Variants in DENND1A observed in about 807,000 individuals in gnomAD.
DENND1A encodes DENN domain-containing protein 1A.
In DENND1A, 51 loss-of-function variants were observed where a neutral mutation model predicts 113.7. The ratio of observed to expected loss-of-function variants is 0.45; its 90% CI spans 0.36 to 0.57. The LOEUF (loss-of-function observed/expected upper bound fraction) is 0.57, where lower values mean the gene tolerates loss of function less well. DENND1A is among the 20% of genes least tolerant of loss of function. The probability of loss-of-function intolerance (pLI) is 0.00; values close to 1 mark genes in which losing one functional copy is unlikely to be tolerated. For synonymous variants in DENND1A, 565 were observed against 570.8 expected, an observed-to-expected ratio of 0.99 and a Z score of 0.14; for missense variants, 1,258 against 1,395.9, an observed-to-expected ratio of 0.90 and a Z score of 1.57.
In DENND1A at chr9:123,432,070, G is replaced by A. The variant is rs139236241; in HGVS notation, c.1488+8290C>T. 5.7e-4 allele frequency among the ~76,000 whole-genome samples: 87 copies of A among 152,304 alleles called. 1 individual carries two copies. The East Asian group carries it at 0.013, about 22-fold the overall frequency. On this transcript the variant is annotated intron_variant, in intron 19 of 23. Transcript: ENST00000394215. Reference sequence around the variant, plus strand: ...GTACATCAGGAGCCCTGGCCTCACCGTGGAGCTCTCTGGCCTTCTCCAGCT... The same window carrying A: ...GTACATCAGGAGCCCTGGCCTCACCATGGAGCTCTCTGGCCTTCTCCAGCT...
intron 19 of DENND1A, among the ~76,000 whole-genome samples, chr9:123,438,621 C>T (rs1347316746): frequency 6.6e-6 from 1 of 152,098 alleles, no homozygotes; most frequent in Non-Finnish European, 1.5e-5. Context: ...TTCCTGTACA[C>T]TTGCATAATG....
chr9:123,873,429 T>C (rs1385241528), intron 2 of DENND1A, among the ~76,000 whole-genome samples: 4 of 152,216 alleles, frequency 2.6e-5, no homozygotes, highest in Non-Finnish European at 4.4e-5. Flanking sequence ...TTACAATACA[T>C]GACTTCACTA....
At chr9:123,878,383 C>T (rs562527670) in intron 2 of DENND1A, among the ~76,000 whole-genome samples, 182 of 152,182 alleles carry the variant, frequency 1.2e-3, no homozygotes, top group African/African-American at 4.2e-3. Flanking sequence ...GCTGCCTGCA[C>T]AAGATACCCT....
In DENND1A at chr9:123,382,051, G is replaced by A; in HGVS notation, c.2594C>T (p.Thr865Ile). The A allele has an allele frequency of 5.3e-6, 8 of 1,498,218 alleles. No homozygotes were observed. The highest frequency in any genetic ancestry group is 5.3e-6 in the Non-Finnish European group (6 of 1,126,362). 92.8% of individuals were successfully genotyped at this position (1,498,218 alleles called of 1,614,324 possible). A position where few individuals can be genotyped will look rare whatever the true frequency, so the allele number is the denominator to read the frequency against. The change falls in exon 24 of 24, where the codon ACC becomes ATC. Residue 865 changes from threonine to isoleucine, a missense_variant. Thr to Ile is a moderately conservative substitution (Grantham distance 89). Coordinates refer to ENST00000394215, the MANE Select transcript of DENND1A (RefSeq NM_001352964.2). ...SGSTLPSRPA[T>I]PNVATPFTPQ... ...GGTGAATGGGGTGGCTACATTCGGG[G>A]TGGCGGGGCGTGACGGGAGGGTGCT...
intron 5 of DENND1A, among the ~76,000 whole-genome samples, chr9:123,684,336 T>A (rs1018399016): frequency 6.6e-6 from 1 of 152,060 alleles, no homozygotes; most frequent in African/African-American, 2.4e-5. Context: ...GATACTCTTC[T>A]CTCCAAACGC....
intron 3 of DENND1A, among the ~76,000 whole-genome samples, chr9:123,779,103 C>T (rs900097324): frequency 1.3e-5 from 2 of 152,168 alleles, no homozygotes; most frequent in Non-Finnish European, 2.9e-5. Context: ...GTTTTCTTGA[C>T]AGATAAATGA....
chr9:123,539,141 A>C (rs768604759), intron 13 of DENND1A, among the ~76,000 whole-genome samples: 4 of 152,100 alleles, frequency 2.6e-5, no homozygotes, highest in Admixed American at 6.5e-5. Context: ...CACATTGGCT[A>C]CTAAGATCAC....
rs539085010 is a variant in DENND1A, at chr9:123,689,945, C to T, written c.303-13156G>A. 5.3e-5 allele frequency among the ~76,000 whole-genome samples: 8 copies of T among 151,036 alleles called. No homozygotes were observed. In the South Asian group the frequency reaches 8.4e-4, roughly 16 times the overall value. ...TGGAGGTTCCAGTGAGCCAAGATCG[C>T]GCCACTGTACTCCAGCCTGAGTGAC... is the stretch of plus-strand genomic sequence containing the variant. On this transcript the variant is annotated intron_variant, in intron 5 of 23. Coordinates refer to ENST00000394215, the MANE Select transcript of DENND1A (RefSeq NM_001352964.2).
chr9:123,827,027 T>C (rs1463037486), intron 2 of DENND1A, among the ~76,000 whole-genome samples: 1 of 152,090 alleles, frequency 6.6e-6, no homozygotes, highest in Admixed American at 6.5e-5. Flanking sequence ...TGTAGAGAGC[T>C]TAAAAAAAAT....
At chr9:123,830,173 G>A (rs1839962304) in intron 2 of DENND1A, among the ~76,000 whole-genome samples, 1 of 152,116 alleles carries the variant, frequency 6.6e-6, no homozygotes, top group African/African-American at 2.4e-5. Context: ...CTGCTGATAG[G>A]TGAAGCAATA....
chr9:123,902,170 C>T (rs1424323358), intron 1 of DENND1A, among the ~76,000 whole-genome samples: 1 of 123,148 alleles, frequency 8.1e-6, no homozygotes, highest in Non-Finnish European at 1.7e-5. Context: ...GTCACACACA[C>T]ACATACACAC....
At chr9:123,597,153 C>T (rs1031590857) in intron 11 of DENND1A, among the ~76,000 whole-genome samples, 7 of 152,158 alleles carry the variant, frequency 4.6e-5, no homozygotes, top group African/African-American at 1.7e-4. Context: ...CTGCAAAGCC[C>T]GACTCCCATC....
At chr9:123,829,315 A>C (rs1028865436) in intron 2 of DENND1A, among the ~76,000 whole-genome samples, 1 of 152,160 alleles carries the variant, frequency 6.6e-6, no homozygotes, top group Admixed American at 6.5e-5. Flanking sequence ...CTTTAAGAAA[A>C]TTACACATGA....
intron 13 of DENND1A, among the ~76,000 whole-genome samples, chr9:123,459,896 T>C (rs1472706760): frequency 6.6e-6 from 1 of 152,190 alleles, no homozygotes; most frequent in Non-Finnish European, 1.5e-5. Context: ...GACCCAAAAA[T>C]ATTAGGGTAA....
intron 2 of DENND1A, among the ~76,000 whole-genome samples, chr9:123,819,660 C>G (rs1838141376): frequency 6.6e-6 from 1 of 152,120 alleles, no homozygotes; most frequent in East Asian, 1.9e-4. Flanking sequence ...GCCTCGGCCT[C>G]GCAAGTAGCT....
At chr9:123,921,769 T>C (rs930981720) in intron 1 of DENND1A, among the ~76,000 whole-genome samples, 1 of 152,182 alleles carries the variant, frequency 6.6e-6, no homozygotes, top group Admixed American at 6.5e-5. Context: ...AGCAAACATA[T>C]AACCAGTCCT....
intron 20 of DENND1A, among the ~76,000 whole-genome samples, chr9:123,406,073 C>T (rs1461452630): frequency 1.3e-5 from 2 of 152,244 alleles, no homozygotes; most frequent in Non-Finnish European, 2.9e-5. Context: ...ACATCGTACC[C>T]CCCACCCCCC....
At chr9:123,742,031 C>A (rs960092761) in intron 5 of DENND1A, among the ~76,000 whole-genome samples, 35 of 152,348 alleles carry the variant, frequency 2.3e-4, no homozygotes, top group East Asian at 3.9e-4. Flanking sequence ...CGAAGGGTAT[C>A]ACCATGCTCT....
intron 13 of DENND1A, chr9:123,493,062 A>G (rs1485576233): frequency 6.6e-6 from 1 of 152,304 alleles, no homozygotes; most frequent in Non-Finnish European, 1.5e-5. Context: ...TCAGGTGAGT[A>G]GGAGGGTCCT....
Sources: allele counts gnomAD v4.1 joint callset (sites outside exome capture counted in the v4.1 genomes callset), GRCh38; gene constraint gnomAD v4.1.1; transcripts MANE v1.5; gene names NCBI Gene and HGNC (gene_info 2026-07-23, HGNC 2026-07-21).